Variants in ASAP2 observed in about 807,000 individuals in gnomAD.
The protein encoded by ASAP2 is ArfGAP with SH3 domain, ankyrin repeat and PH domain 2.
In ASAP2, 45 loss-of-function variants were observed where a neutral mutation model predicts 131.4. The observed-to-expected ratio is 0.34, with a 90% confidence interval of 0.27 to 0.44. The LOEUF (loss-of-function observed/expected upper bound fraction) is 0.44, where lower values mean the gene tolerates loss of function less well. Among genes scored for constraint, ASAP2 ranks in the 20% least tolerant of loss-of-function variants. The pLI is 1.00. For missense variants in ASAP2, 1,011 were observed against 1,297.0 expected, an observed-to-expected ratio of 0.78 and a Z score of 3.39; for synonymous variants, 510 against 503.0, an observed-to-expected ratio of 1.01 and a Z score of -0.19.
At chr2:9,236,134 G>A (rs1031092947) in intron 1 of ASAP2, among the ~76,000 whole-genome samples, 11 of 152,020 alleles carry the variant, frequency 7.2e-5, no homozygotes, top group African/African-American at 2.4e-4. Context: ...TTGGAGGGCC[G>A]GTCAGGGAGG....
At chr2:9,305,776 T>G (rs1011009729) in intron 3 of ASAP2, among the ~76,000 whole-genome samples, 2 of 148,890 alleles carry the variant, frequency 1.3e-5, no homozygotes, top group Non-Finnish European at 1.5e-5. Context: ...GCTGTAGTAG[T>G]GAGGTATAGA....
chr2:9,251,865 G>C (rs1273452667), intron 1 of ASAP2, among the ~76,000 whole-genome samples: 8 of 152,138 alleles, frequency 5.3e-5, no homozygotes, highest in Non-Finnish European at 1.0e-4. Flanking sequence ...GCAGAGATGG[G>C]CCTGAGGCCA....
At chr2:9,282,131 G>T (rs934685202) in intron 2 of ASAP2, among the ~76,000 whole-genome samples, 1 of 152,186 alleles carries the variant, frequency 6.6e-6, no homozygotes, top group Non-Finnish European at 1.5e-5. Flanking sequence ...GGATTTTAAC[G>T]TAGCTCCTTG....
chr2:9,368,713 A>G (rs1462410781), intron 16 of ASAP2, among the ~76,000 whole-genome samples, 194 bp downstream of exon 16: 1 of 152,162 alleles, frequency 6.6e-6, no homozygotes, highest in African/African-American at 2.4e-5. Context: ...GGAAGAAGCC[A>G]AAAGCAGGCA....
Position 9,311,041 on chromosome 2 carries a change from C to CG in ASAP2, c.346-7477dup, listed in dbSNP as rs60794503. 0.31 allele frequency among the ~76,000 whole-genome samples: 47,718 copies of CG among 151,618 alleles called. 7,829 individuals are homozygous for CG. Among genetic ancestry groups the CG allele is most frequent in the Non-Finnish European group, 0.36 (24,301 of 67,916 alleles). On this transcript the variant is annotated intron_variant, in intron 3 of 27. Transcript: ENST00000281419. The surrounding 1 kb of genome is among the most constrained non-coding windows in gnomAD (Gnocchi z 5.2). ...CTTGTCAGACATATCCAAGTGAACT[C>CG]GGGGGGAAAAGCTAAGACAGGAAGT...
At chr2:9,243,426 T>A (rs764385953) in intron 1 of ASAP2, among the ~76,000 whole-genome samples, 4 of 152,230 alleles carry the variant, frequency 2.6e-5, no homozygotes, top group Non-Finnish European at 5.9e-5. Flanking sequence ...TTTTTTATAA[T>A]GTGCATTTTT....
chr2:9,309,447 G>A (rs1432357486), intron 3 of ASAP2, among the ~76,000 whole-genome samples: 1 of 152,214 alleles, frequency 6.6e-6, no homozygotes, highest in Non-Finnish European at 1.5e-5. Context: ...GTGTTCTCTG[G>A]CAAAGAAGCA....
chr2:9,278,882 C>T (rs1572337403), intron 1 of ASAP2, among the ~76,000 whole-genome samples: 1 of 152,118 alleles, frequency 6.6e-6, no homozygotes, highest in African/African-American at 2.4e-5. Context: ...TTGCCTCCAC[C>T]TTGTTAGGGC....
rs1667124652 is a variant in ASAP2, at chr2:9,281,473, T to C, written c.199+2084T>C. ...AACAGCACCTCTGTCTAATTTGCCA[T>C]GCTGACCTATATTGCTGAGCGTGTA... is the stretch of plus-strand genomic sequence containing the variant. On this transcript the variant is annotated intron_variant, in intron 2 of 27. Transcript: ENST00000281419. The surrounding 1 kb of genome is among the most constrained non-coding windows in gnomAD (Gnocchi z 4.0). Among the ~76,000 whole-genome samples, 1 of 152,228 alleles carries C rather than the reference T, an allele frequency of 6.6e-6. No homozygotes were observed. The highest frequency in any genetic ancestry group is 1.5e-5 in the Non-Finnish European group (1 of 68,048).
rs1258047113 is a variant in ASAP2, at chr2:9,404,510, T to C, written c.*1183T>C. Reference sequence around the variant, plus strand: ...ATTCGTTTAATGAACTTGACTGTCATACCTCTATTTAGTAATTGCGAGGGT... The same window carrying C: ...ATTCGTTTAATGAACTTGACTGTCACACCTCTATTTAGTAATTGCGAGGGT... On this transcript the variant is annotated 3_prime_UTR_variant, in exon 28 of 28. Transcript: ENST00000281419. The C allele has an allele frequency of 1.3e-5, 2 of 152,294 alleles. No homozygotes were observed. The highest frequency in any genetic ancestry group is 4.8e-5 in the African/African-American group (2 of 41,452). The allele number at this position is 152,294 out of a possible 1,614,324, so 9.4% of individuals were successfully genotyped here. A position where few individuals can be genotyped will look rare whatever the true frequency, so the allele number is the denominator to read the frequency against.
chr2:9,334,641 A>G (rs1671078825), intron 7 of ASAP2, 97 bp from the exon 8 acceptor site: 1 of 1,050,888 alleles, frequency 9.5e-7, no homozygotes, highest in African/African-American at 1.6e-5. Flanking sequence ...GGAGTTACAT[A>G]ATGACTTCAG....
chr2:9,254,430 G>A (rs1664991717), intron 1 of ASAP2, among the ~76,000 whole-genome samples: 1 of 137,012 alleles, frequency 7.3e-6, no homozygotes, highest in Admixed American at 7.6e-5. Flanking sequence ...CCAGCTCATT[G>A]CAACCTCTGT....
At chr2:9,289,604 T>G (rs1216190358) in intron 2 of ASAP2, among the ~76,000 whole-genome samples, 1 of 152,140 alleles carries the variant, frequency 6.6e-6, no homozygotes, top group East Asian at 1.9e-4. Flanking sequence ...GCCTTCCAAG[T>G]GTACTCCTAC....
chr2:9,392,780 ACC>A lies in ASAP2; in HGVS notation c.2519-700_2519-699del, dbSNP rs199888184. 0.021 allele frequency among the ~76,000 whole-genome samples: 3,173 copies of A among 152,168 alleles called. 52 individuals are homozygous for A. The highest frequency in any genetic ancestry group is 0.034 in the Non-Finnish European group (2,324 of 67,996). On this transcript the variant is annotated intron_variant, in intron 23 of 27. Coordinates refer to ENST00000281419, the MANE Select transcript of ASAP2 (RefSeq NM_003887.3). The surrounding 1 kb of genome is among the most constrained non-coding windows in gnomAD (Gnocchi z 4.0). Reference sequence around the variant, plus strand: ...AGGGAAACCCAGCGCCTTATGTGTTACCCATCCTGAGGCCCAGTATGATAAGC... The same window carrying A: ...AGGGAAACCCAGCGCCTTATGTGTTACATCCTGAGGCCCAGTATGATAAGC...
At chr2:9,290,344 G>A (rs545794455) in intron 2 of ASAP2, among the ~76,000 whole-genome samples, 1 of 152,144 alleles carries the variant, frequency 6.6e-6, no homozygotes, top group South Asian at 2.1e-4. Flanking sequence ...TGAGGAGCTG[G>A]GATTACAGAC....
intron 1 of ASAP2, among the ~76,000 whole-genome samples, chr2:9,229,765 G>T (rs1271987384): frequency 1.3e-5 from 2 of 152,232 alleles, no homozygotes; most frequent in Non-Finnish European, 2.9e-5. Context: ...GGGGGACAAA[G>T]TGCCTGAGCC....
At chr2:9,256,670 A>T (rs1212395980) in intron 1 of ASAP2, among the ~76,000 whole-genome samples, 1 of 152,246 alleles carries the variant, frequency 6.6e-6, no homozygotes. Context: ...ATGAAAGTGC[A>T]GGCCACTGGC....
At chr2:9,366,734 C>T (rs962594913) in intron 15 of ASAP2, among the ~76,000 whole-genome samples, 1 of 152,138 alleles carries the variant, frequency 6.6e-6, no homozygotes, top group African/African-American at 2.4e-5. Flanking sequence ...CTTTGGGCCG[C>T]CTAGAAAAAG....
rs1249142294 is a variant in ASAP2 at position 9,310,943 on chromosome 2, G to C, written c.346-7581G>C. 6.6e-5 allele frequency among the ~76,000 whole-genome samples: 10 copies of C among 152,206 alleles called. No homozygotes were observed. In the East Asian group the frequency reaches 1.9e-3, roughly 29 times the overall value. ...TGTTCTTTATATCTAATAGCTCTAT[G>C]TGCTGCCTGCCCCACTGACTGAATC... On this transcript the variant is annotated intron_variant, in intron 3 of 27. Coordinates refer to ENST00000281419, the MANE Select transcript of ASAP2 (RefSeq NM_003887.3).
Sources: gnomAD v4.1 joint callset for allele counts (sites outside exome capture counted in the v4.1 genomes callset) on GRCh38, gnomAD v4.1.1 for gene constraint, Gnocchi (gnomAD v3.1) non-coding constraint, MANE v1.5 for transcripts, NCBI Gene and HGNC (gene_info 2026-07-23, HGNC 2026-07-21) for gene names.